Variants in MTHFD1L observed in about 807,000 individuals in gnomAD.
MTHFD1L encodes monofunctional C1-tetrahydrofolate synthase, mitochondrial.
A neutral mutation model predicts 119.5 loss-of-function variants in MTHFD1L; 81 were observed. The ratio of observed to expected loss-of-function variants is 0.68; its 90% CI spans 0.57 to 0.82. The LOEUF (loss-of-function observed/expected upper bound fraction) is 0.82, where lower values mean the gene tolerates loss of function less well. Ranked by LOEUF, MTHFD1L falls within the 40% of genes least tolerant of loss-of-function variation. The probability of loss-of-function intolerance (pLI) is 0.00; values close to 1 mark genes in which losing one functional copy is unlikely to be tolerated. For synonymous variants in MTHFD1L, 430 were observed against 475.2 expected, an observed-to-expected ratio of 0.90 and a Z score of 1.24; for missense variants, 1,125 against 1,253.4, an observed-to-expected ratio of 0.90 and a Z score of 1.55.
chr6:151,070,862 A>G (rs1457788982), intron 26 of MTHFD1L, among the ~76,000 whole-genome samples: 1 of 152,232 alleles, frequency 6.6e-6, no homozygotes, highest in African/African-American at 2.4e-5. Flanking sequence ...CTATTTTCCC[A>G]GTATCCCCAA....
chr6:151,017,409 C>T (rs1363106287), intron 24 of MTHFD1L, among the ~76,000 whole-genome samples: 1 of 151,764 alleles, frequency 6.6e-6, no homozygotes, highest in African/African-American at 2.4e-5. Flanking sequence ...TGCAGAGGCA[C>T]CATCTCAGCT....
chr6:151,044,844 C>T (rs989667440), intron 26 of MTHFD1L, among the ~76,000 whole-genome samples: 8 of 152,190 alleles, frequency 5.3e-5, no homozygotes, highest in Non-Finnish European at 1.0e-4. Context: ...AGTGATGTCA[C>T]CCGCTACAAA....
At chr6:150,935,281 C>T (rs1263223597) in intron 11 of MTHFD1L, 19 of 1,611,574 alleles carry the variant, frequency 1.2e-5, no homozygotes, top group African/African-American at 6.7e-5. Flanking sequence ...CTGTTGATGT[C>T]GAAAGGATGG....
intron 26 of MTHFD1L, among the ~76,000 whole-genome samples, chr6:151,078,851 G>A (rs985412494): frequency 3.9e-5 from 6 of 152,028 alleles, no homozygotes; most frequent in South Asian, 2.1e-4. Flanking sequence ...ACTGGGAGTC[G>A]CCGCCACAGT....
rs1330444228 is a variant in MTHFD1L at position 150,865,751 on chromosome 6, T to C, written c.-72T>C. On this transcript the variant is annotated 5_prime_UTR_variant, in exon 1 of 28. Transcript: ENST00000367321. ...CGCCGCCGCCGCCGCCGCCGCCTGC[T>C]CCCCTGGCACGCGCCCCGCCGCCCT... The C allele has an allele frequency of 1.8e-6, 2 of 1,131,120 alleles. No individual in the cohort carries two copies. The highest frequency in any genetic ancestry group is 4.8e-5 in the Admixed American group (1 of 21,002). The allele number at this position is 1,131,120 out of a possible 1,614,324, so 70.1% of individuals were successfully genotyped here.
chr6:150,873,541 G>A (rs1270559293), intron 1 of MTHFD1L, among the ~76,000 whole-genome samples: 1 of 152,116 alleles, frequency 6.6e-6, no homozygotes. Context: ...GTCCACGCTA[G>A]TAAATGAAAT....
At chr6:151,073,510 C>G (rs1474099668) in intron 26 of MTHFD1L, among the ~76,000 whole-genome samples, 1 of 152,134 alleles carries the variant, frequency 6.6e-6, no homozygotes, top group African/African-American at 2.4e-5. Flanking sequence ...TCAATCAAAA[C>G]TAACCCATTA....
At chr6:150,938,238 G>A (rs1025840325) in intron 12 of MTHFD1L, among the ~76,000 whole-genome samples, 7 of 151,844 alleles carry the variant, frequency 4.6e-5, no homozygotes, top group East Asian at 1.9e-4. Flanking sequence ...GGCCGGTCTC[G>A]AACTCCTGAC....
At chr6:150,992,363 T>C (rs1432147684) in intron 20 of MTHFD1L, among the ~76,000 whole-genome samples, 1 of 152,200 alleles carries the variant, frequency 6.6e-6, no homozygotes. Flanking sequence ...TGTTTATGCA[T>C]GTGTGCTTAT....
At chr6:151,099,473 C>CTTT in intron 27 of MTHFD1L, 1 of 1,056,688 alleles carries the variant, frequency 9.5e-7, no homozygotes. Context: ...TTTTGCCCTT[C>CTTT]TCTCTTCCTC....
At chr6:150,895,058 C>T (rs1187609705) in intron 7 of MTHFD1L, among the ~76,000 whole-genome samples, 2 of 152,154 alleles carry the variant, frequency 1.3e-5, no homozygotes, top group Non-Finnish European at 2.9e-5. Context: ...GTCAGGAAGC[C>T]AAGGCACTGG....
At chr6:151,072,885 G>A (rs79287611) in intron 26 of MTHFD1L, among the ~76,000 whole-genome samples, 3,226 of 152,234 alleles carry the variant, frequency 0.021, 90 homozygotes, top group South Asian at 0.11. Flanking sequence ...GCATTCTAGA[G>A]AAGGTAGAGT....
chr6:150,881,173 CA>C (rs1202380283), intron 4 of MTHFD1L, among the ~76,000 whole-genome samples: 2 of 152,186 alleles, frequency 1.3e-5, no homozygotes, highest in African/African-American at 4.8e-5. Flanking sequence ...AGACCAATGT[CA>C]TGAAGCATTT....
chr6:151,036,554 C>T (rs1000255217), intron 25 of MTHFD1L, among the ~76,000 whole-genome samples: 4 of 152,176 alleles, frequency 2.6e-5, no homozygotes, highest in African/African-American at 4.8e-5. Flanking sequence ...TCCTGACTGA[C>T]TCCAGAATGA....
chr6:151,076,700 G>A (rs1252446763), intron 26 of MTHFD1L, among the ~76,000 whole-genome samples: 1 of 151,488 alleles, frequency 6.6e-6, no homozygotes, highest in African/African-American at 2.4e-5. Context: ...CAAGGATGTG[G>A]AACAACTGGA....
At chr6:151,025,109 CCTTT>C (rs1413057979) in intron 24 of MTHFD1L, among the ~76,000 whole-genome samples, 1 of 152,188 alleles carries the variant, frequency 6.6e-6, no homozygotes, top group Non-Finnish European at 1.5e-5. Flanking sequence ...TAGCGGCGAG[CCTTT>C]CTTCCATTTC....
At chr6:151,081,778 G>A (rs1360849010) in intron 26 of MTHFD1L, among the ~76,000 whole-genome samples, 5 of 152,194 alleles carry the variant, frequency 3.3e-5, no homozygotes. Context: ...AGGGAGAGAG[G>A]TGAAAGCAAA....
chr6:150,938,598 G>C, intron 12 of MTHFD1L, 101 bp from the exon 13 acceptor site: 1 of 1,203,056 alleles, frequency 8.3e-7, no homozygotes, highest in Non-Finnish European at 1.2e-6. Flanking sequence ...TGGGTGTGAC[G>C]CCTCTCTGTT....
intron 18 of MTHFD1L, among the ~76,000 whole-genome samples, chr6:150,964,049 G>A (rs187586124): frequency 1.3e-3 from 203 of 152,264 alleles, no homozygotes; most frequent in African/African-American, 4.8e-3. Context: ...CATGCCTGTA[G>A]TCCCAGCTAC....
Sources: allele counts gnomAD v4.1 joint callset (sites outside exome capture counted in the v4.1 genomes callset), GRCh38; gene constraint gnomAD v4.1.1; transcripts MANE v1.5; gene names NCBI Gene and HGNC (gene_info 2026-07-23, HGNC 2026-07-21).